Variants in ABR observed in about 807,000 individuals in gnomAD.
ABR encodes the protein ABR activator of RhoGEF and GTPase.
ABR carries 35 observed loss-of-function variants against 107.2 expected under a neutral mutation model. The observed-to-expected ratio is 0.33, with a 90% CI of 0.25 to 0.43. The LOEUF (loss-of-function observed/expected upper bound fraction) is 0.43, where lower values mean the gene tolerates loss of function less well. ABR is among the 20% of genes least tolerant of loss of function. ABR has a pLI of 1.00. For synonymous variants in ABR, 498 were observed against 462.0 expected (o/e 1.08, Z -1.00); for missense variants, 815 against 1,115.2 (o/e 0.73, Z 3.83).
chr17:1,006,820 C>T (rs1311940795), intron 22 of ABR, among the ~76,000 whole-genome samples: 2 of 75,710 alleles, frequency 2.6e-5, no homozygotes, highest in Non-Finnish European at 5.4e-5. Flanking sequence ...CAGCCACGGG[C>T]CCGGGCGGTG....
chr17:1,103,095 T>C (rs974834455), intron 2 of ABR, among the ~76,000 whole-genome samples: 2 of 152,116 alleles, frequency 1.3e-5, no homozygotes, highest in African/African-American at 4.8e-5. Flanking sequence ...TCAGCAGCAT[T>C]AGAAAAGCAA....
At chr17:1,201,991 T>C (rs1282529163) in intron 1 of ABR, among the ~76,000 whole-genome samples, 1 of 152,132 alleles carries the variant, frequency 6.6e-6, no homozygotes, top group Non-Finnish European at 1.5e-5. Context: ...TACTAGTGTT[T>C]CTTAAAAAGT....
chr17:1,159,000 G>A lies in ABR; in HGVS notation c.61+20667C>T, dbSNP rs545507881. 1.7e-4 allele frequency among the ~76,000 whole-genome samples: 25 copies of A among 146,526 alleles called. 1 individual carries two copies. The South Asian group carries it at 5.2e-3, about 30-fold the overall frequency. The stretch of plus-strand genomic sequence containing the variant: ...ACTCACAGTCCTCTGGCGATGAGCA[G>A]AGACTCTTCATGCTTTCGTGCCTTG... On this transcript the variant is annotated intron_variant, in intron 1 of 22. Coordinates refer to ENST00000302538, the MANE Select transcript of ABR (RefSeq NM_021962.5).
chr17:1,094,182 G>A (rs548879280), intron 3 of ABR, among the ~76,000 whole-genome samples: 3 of 152,250 alleles, frequency 2.0e-5, no homozygotes, highest in South Asian at 2.1e-4. Context: ...CTAGGCAAGC[G>A]CATGGGGTTC....
intron 1 of ABR, among the ~76,000 whole-genome samples, chr17:1,213,814 T>C (rs1266172372): frequency 6.6e-6 from 1 of 152,224 alleles, no homozygotes; most frequent in East Asian, 1.9e-4. Context: ...ACAGACTCTA[T>C]GGTTCCAAAG....
At chr17:1,045,007 G>T (rs1252598710) in intron 16 of ABR, among the ~76,000 whole-genome samples, 1 of 152,182 alleles carries the variant, frequency 6.6e-6, no homozygotes, top group Admixed American at 6.5e-5. Flanking sequence ...GAGAAAAGGA[G>T]GTTTATAATA....
chr17:1,077,636 C>T (rs958541702), intron 6 of ABR, among the ~76,000 whole-genome samples: 1 of 152,180 alleles, frequency 6.6e-6, no homozygotes, highest in Non-Finnish European at 1.5e-5. Context: ...AGCACAGCCG[C>T]CCCTGGGAAG....
intron 1 of ABR, among the ~76,000 whole-genome samples, chr17:1,192,906 G>A (rs1371433882): frequency 6.6e-6 from 1 of 152,116 alleles, no homozygotes; most frequent in Non-Finnish European, 1.5e-5. Context: ...AAATTAGTGG[G>A]GTGTGGTGGC....
chr17:1,006,594 G>GT (rs1343813907), intron 22 of ABR, among the ~76,000 whole-genome samples: 1 of 152,158 alleles, frequency 6.6e-6, no homozygotes, highest in Non-Finnish European at 1.5e-5. Flanking sequence ...AGGCTCACAT[G>GT]TTTGTTTTGG....
intron 2 of ABR, among the ~76,000 whole-genome samples, chr17:1,111,210 C>T (rs1008235448): frequency 6.6e-6 from 1 of 152,162 alleles, no homozygotes; most frequent in African/African-American, 2.4e-5. Context: ...TATCCTCGTC[C>T]CCGTTCCCCA....
intron 4 of ABR, among the ~76,000 whole-genome samples, chr17:1,088,640 G>C (rs2036793651): frequency 1.3e-5 from 2 of 151,694 alleles, no homozygotes; most frequent in African/African-American, 2.4e-5. Context: ...GGCTGGAGTG[G>C]AGTGGCACGA....
At chr17:1,219,146 A>T (rs1471130160) in intron 1 of ABR, among the ~76,000 whole-genome samples, 1 of 152,002 alleles carries the variant, frequency 6.6e-6, no homozygotes, top group African/African-American at 2.4e-5. Context: ...GGGTTCAGGC[A>T]ATTATCCTGC....
At chr17:1,193,035 C>T (rs1282711903) in intron 1 of ABR, among the ~76,000 whole-genome samples, 3 of 152,026 alleles carry the variant, frequency 2.0e-5, no homozygotes, top group South Asian at 2.1e-4. Context: ...GCAAAAAGAG[C>T]GAAACTCTAT....
intron 1 of ABR, among the ~76,000 whole-genome samples, chr17:1,136,906 C>T (rs2040087232): frequency 6.6e-6 from 1 of 152,204 alleles, no homozygotes; most frequent in Non-Finnish European, 1.5e-5. Flanking sequence ...CCTTAAAACA[C>T]TTTTCCTGTG....
rs545577036 is a variant in ABR, at chr17:1,222,907, TTAAAA to T, written c.838+5881_838+5885del. Among the ~76,000 whole-genome samples, 51 of 151,756 alleles carry T rather than the reference TTAAAA, an allele frequency of 3.4e-4. No individual in the cohort carries two copies. In the South Asian group the frequency reaches 9.0e-3, roughly 27 times the overall value. ...TTGGGCAACAGAGTAAGACCCTGTC[TTAAAA>T]TAAAATAGGCCAGGGACAGTGGCTT... is the stretch of plus-strand genomic sequence containing the variant. On this transcript the variant is annotated intron_variant, in intron 1 of 22. Coordinates refer to the ABR transcript ENST00000574139.
At position 1,058,180 on chromosome 17, in the gene ABR, C is replaced by T. The variant is rs546133744; in HGVS notation, c.1306-135G>A. The T allele has an allele frequency of 2.1e-4, 102 of 485,136 alleles. No individual in the cohort carries two copies. In the African/African-American group the frequency reaches 2.2e-3, roughly 11 times the overall value. 30.1% of individuals were successfully genotyped at this position (485,136 alleles called of 1,614,324 possible). A position where few individuals can be genotyped will look rare whatever the true frequency, so the allele number is the denominator to read the frequency against. ...TTGAGACAGAGTCTCGCTCTTGTTG[C>T]CCAGGCTCTAGTGCAATGGCAAAAT... is the stretch of plus-strand genomic sequence containing the variant. On this transcript the variant is annotated intron_variant, in intron 11 of 22. Coordinates refer to ENST00000302538, the MANE Select transcript of ABR (RefSeq NM_021962.5).
At chr17:1,056,549 C>T (rs923175596) in intron 13 of ABR, among the ~76,000 whole-genome samples, 2 of 152,104 alleles carry the variant, frequency 1.3e-5, no homozygotes, top group East Asian at 1.9e-4. Context: ...ACACCCACTC[C>T]GGTCAGTTCC....
At chr17:1,063,446 G>T (rs1298573599) in intron 10 of ABR, among the ~76,000 whole-genome samples, 18 of 148,898 alleles carry the variant, frequency 1.2e-4, no homozygotes, top group Admixed American at 3.4e-4. Flanking sequence ...TACGTGAACT[G>T]AGGGCTATGC....
At chr17:1,028,342 A>G (rs979852116) in intron 16 of ABR, among the ~76,000 whole-genome samples, 1 of 148,860 alleles carries the variant, frequency 6.7e-6, no homozygotes, top group Non-Finnish European at 1.5e-5. Context: ...CAGGTGATCC[A>G]CCCGCCTCTG....
Sources: allele counts gnomAD v4.1 joint callset (sites outside exome capture counted in the v4.1 genomes callset), GRCh38; gene constraint gnomAD v4.1.1; transcripts MANE v1.5; gene names NCBI Gene and HGNC (gene_info 2026-07-23, HGNC 2026-07-21).